Variants in PIP5K1B observed in about 807,000 individuals in gnomAD.
PIP5K1B encodes phosphatidylinositol-4-phosphate 5-kinase type 1 beta.
PIP5K1B carries 42 observed loss-of-function variants against 67.0 expected under a neutral mutation model. That is an observed-to-expected ratio of 0.63 (90% CI 0.49 to 0.81). The LOEUF is 0.81. Ranked by LOEUF, PIP5K1B falls within the 30% of genes least tolerant of loss-of-function variation. The pLI, the probability that PIP5K1B is intolerant of heterozygous loss-of-function variation, is 0.00. For synonymous variants in PIP5K1B, 214 were observed against 231.4 expected (o/e 0.92, Z 0.68); for missense variants, 459 against 646.3 (o/e 0.71, Z 3.14).
At chr9:68,830,979 TAA>T (rs1469674201) in intron 4 of PIP5K1B, among the ~76,000 whole-genome samples, 1 of 152,184 alleles carries the variant, frequency 6.6e-6, no homozygotes, top group Non-Finnish European at 1.5e-5. Flanking sequence ...CCTGAGCACA[TAA>T]AAGAGATTTT....
chr9:68,709,886 G>A (rs1225691704), intron 1 of PIP5K1B, among the ~76,000 whole-genome samples: 2 of 152,164 alleles, frequency 1.3e-5, no homozygotes, highest in Non-Finnish European at 2.9e-5. Context: ...CTCTAGCCTG[G>A]GTGACACAGC....
chr9:68,934,013 C>T (rs977864928), intron 12 of PIP5K1B, among the ~76,000 whole-genome samples: 1 of 152,144 alleles, frequency 6.6e-6, no homozygotes, highest in South Asian at 2.1e-4. Flanking sequence ...AGAGACACTG[C>T]CAAAAACATA....
chr9:68,752,231 G>GT (rs1403336491), intron 2 of PIP5K1B, among the ~76,000 whole-genome samples: 1 of 152,150 alleles, frequency 6.6e-6, no homozygotes, highest in Non-Finnish European at 1.5e-5. Flanking sequence ...TCACTGAATT[G>GT]TATGTAGGTT....
chr9:68,941,241 A>G lies in PIP5K1B; in HGVS notation c.1502+451A>G, dbSNP rs1587697580. 7.8e-6 allele frequency: 3 copies of G among 386,360 alleles called. No individual in the cohort carries two copies. The East Asian group carries it at 2.2e-4, about 28-fold the overall frequency. The allele number at this position is 386,360 out of a possible 1,614,324, so 23.9% of individuals were successfully genotyped here. A position where few individuals can be genotyped will look rare whatever the true frequency, so the allele number is the denominator to read the frequency against. On this transcript the variant is annotated intron_variant, in intron 14 of 15. Transcript: ENST00000265382. ...ACATCCTAATTCCTGTAACCTGTGAATATGTTACCTTATATGGCAAAAGGG... is the reference window on the plus strand; with the variant it reads ...ACATCCTAATTCCTGTAACCTGTGAGTATGTTACCTTATATGGCAAAAGGG...
At position 68,919,487 on chromosome 9, in the gene PIP5K1B, G is replaced by C; in HGVS notation, c.992G>C (p.Gly331Ala). ...TTTTGCTCCATCAACAGAATGGGAG[G>C]CATTCCAGCTAAAAGCCATAGGGGA... ...IITENPDTMG[G>A]IPAKSHRGEK... Residue 331 changes from glycine to alanine, a missense_variant, in exon 10 of 16, where the codon GGC (glycine) becomes GCC (alanine). Physicochemically the swap from Gly to Ala is moderately conservative, Grantham distance 60. Transcript: ENST00000265382. 6.4e-7 allele frequency: 1 copy of C among 1,555,536 alleles called. No homozygotes were observed. Among genetic ancestry groups the C allele is most frequent in the African/African-American group, 1.4e-5 (1 of 73,314 alleles).
intron 8 of PIP5K1B, among the ~76,000 whole-genome samples, chr9:68,907,811 A>C (rs897034665): frequency 1.3e-5 from 2 of 152,238 alleles, no homozygotes; most frequent in African/African-American, 4.8e-5. Context: ...AGGTACAAAA[A>C]ATGAATAGGA....
intron 15 of PIP5K1B, among the ~76,000 whole-genome samples, chr9:69,004,487 A>C (rs899027885): frequency 6.6e-6 from 1 of 152,184 alleles, no homozygotes; most frequent in African/African-American, 2.4e-5. Context: ...TAGGTTGGCC[A>C]AGATGAACAA....
At chr9:68,729,814 C>T (rs1429681629) in intron 1 of PIP5K1B, among the ~76,000 whole-genome samples, 1 of 151,882 alleles carries the variant, frequency 6.6e-6, no homozygotes, top group Non-Finnish European at 1.5e-5. Flanking sequence ...TTTTTGTTAG[C>T]TTTCAAATTA....
chr9:68,723,662 G>A (rs909529379), intron 1 of PIP5K1B, among the ~76,000 whole-genome samples: 1 of 133,680 alleles, frequency 7.5e-6, no homozygotes, highest in African/African-American at 2.8e-5. Flanking sequence ...TGTCTATTCA[G>A]GTCTTTTGCC....
At chr9:68,802,295 T>A (rs1370080885) in intron 2 of PIP5K1B, among the ~76,000 whole-genome samples, 2 of 152,254 alleles carry the variant, frequency 1.3e-5, no homozygotes, top group African/African-American at 4.8e-5. Context: ...ATCTACTTAA[T>A]GTGTAAGGAC....
rs559128089 is a variant in PIP5K1B, at chr9:68,828,965, G to A, written c.69+6282G>A. ...AAAAATACAAAAATTTGCTGGGCACGGTGGTGCAAGCCTGTGATCCCAGCT... is the reference window on the plus strand; with the variant it reads ...AAAAATACAAAAATTTGCTGGGCACAGTGGTGCAAGCCTGTGATCCCAGCT... On this transcript the variant is annotated intron_variant, in intron 4 of 15. Transcript: ENST00000265382. Among the ~76,000 whole-genome samples, 50 of 152,292 alleles carry A rather than the reference G, an allele frequency of 3.3e-4. 1 individual carries two copies. The South Asian group carries it at 7.3e-3, about 22-fold the overall frequency.
At chr9:68,772,979 C>T (rs1177616496) in intron 2 of PIP5K1B, among the ~76,000 whole-genome samples, 1 of 152,150 alleles carries the variant, frequency 6.6e-6, no homozygotes. Context: ...GCTGCATCCC[C>T]ACTTCATAAG....
At chr9:68,967,509 C>T (rs1829099302) in intron 14 of PIP5K1B, among the ~76,000 whole-genome samples, 1 of 152,152 alleles carries the variant, frequency 6.6e-6, no homozygotes, top group South Asian at 2.1e-4. Context: ...AATTAGTTCA[C>T]ATAATCTAAA....
chr9:68,917,296 A>G (rs1275883728), intron 8 of PIP5K1B, among the ~76,000 whole-genome samples: 1 of 152,228 alleles, frequency 6.6e-6, no homozygotes, highest in African/African-American at 2.4e-5. Context: ...ACTTTCATGG[A>G]GGGTTGAGAA....
At chr9:68,752,961 C>T (rs999572818) in intron 2 of PIP5K1B, among the ~76,000 whole-genome samples, 25 of 152,158 alleles carry the variant, frequency 1.6e-4, no homozygotes, top group Non-Finnish European at 3.1e-4. Context: ...TTCCATCCTA[C>T]CATTACATAA....
intron 2 of PIP5K1B, among the ~76,000 whole-genome samples, chr9:68,757,544 G>A (rs991470188): frequency 6.6e-6 from 1 of 152,080 alleles, no homozygotes; most frequent in African/African-American, 2.4e-5. Flanking sequence ...CGGTAGTGGA[G>A]GATGCTTGTT....
At chr9:68,975,131 C>T (rs374532355) in intron 14 of PIP5K1B, among the ~76,000 whole-genome samples, 15 of 152,334 alleles carry the variant, frequency 9.8e-5, no homozygotes, top group African/African-American at 2.6e-4. Flanking sequence ...TGCAGTGGCA[C>T]GATCACAGCT....
intron 6 of PIP5K1B, among the ~76,000 whole-genome samples, chr9:68,882,300 A>G (rs1277316770): frequency 6.6e-6 from 1 of 152,192 alleles, no homozygotes; most frequent in Admixed American, 6.5e-5. Flanking sequence ...AGAGTGAGAA[A>G]CCATAGAATT....
chr9:68,949,122 A>G (rs1329761027), intron 14 of PIP5K1B, among the ~76,000 whole-genome samples: 1 of 152,064 alleles, frequency 6.6e-6, no homozygotes, highest in Admixed American at 6.5e-5. Context: ...TTCTTTATCC[A>G]TTCTTTGCCT....
Sources: gnomAD v4.1 joint callset for allele counts (sites outside exome capture counted in the v4.1 genomes callset) on GRCh38, gnomAD v4.1.1 for gene constraint, MANE v1.5 for transcripts, NCBI Gene and HGNC (gene_info 2026-07-23, HGNC 2026-07-21) for gene names.